Variants in A2ML1 observed in about 807,000 individuals in gnomAD.
A2ML1 encodes the protein alpha-2-macroglobulin-like protein 1.
A neutral mutation model predicts 181.9 loss-of-function variants in A2ML1; 161 were observed. The ratio of observed to expected loss-of-function variants is 0.89; its 90% CI spans 0.78 to 1.01. The LOEUF (loss-of-function observed/expected upper bound fraction) is 1.01. Among genes scored for constraint, A2ML1 ranks in the 50% least tolerant of loss-of-function variants. A2ML1 has a pLI of 0.00. For synonymous variants in A2ML1, 663 were observed against 666.8 expected, an observed-to-expected ratio of 0.99 and a Z score of 0.09; for missense variants, 1,670 against 1,768.1, an observed-to-expected ratio of 0.94 and a Z score of 1.00.
chr12:8,852,124 T>C lies in A2ML1; in HGVS notation c.2464-86T>C. 6.3e-7 allele frequency: 1 copy of C among 1,591,142 alleles called. No individual in the cohort carries two copies. The highest frequency in any genetic ancestry group is 8.6e-7 in the Non-Finnish European group (1 of 1,165,652). ...TTTTCCCTGGGAAAGAGAGGAGATGTCGGCGTCTCAGCCCCCAGGTTTCCC... is the reference window on the plus strand; with the variant it reads ...TTTTCCCTGGGAAAGAGAGGAGATGCCGGCGTCTCAGCCCCCAGGTTTCCC... On this transcript the variant is annotated intron_variant, in intron 19 of 35. Coordinates refer to ENST00000299698, the MANE Select transcript of A2ML1 (RefSeq NM_144670.6). This position sits in a 1 kb window ranked among gnomAD's most constrained non-coding sequence, Gnocchi z 4.2.
chr12:8,845,865 T>TAAAATAAAATA (rs1555111301), intron 13 of A2ML1, among the ~76,000 whole-genome samples: 10 of 131,212 alleles, frequency 7.6e-5, no homozygotes, highest in African/African-American at 3.2e-4. Context: ...AAAAAAAAAA[T>TAAAATAAAATA]AAATAAAATA....
chr12:8,845,606 G>A, intron 13 of A2ML1, 104 bp downstream of exon 13: 1 of 1,124,190 alleles, frequency 8.9e-7, no homozygotes, highest in Non-Finnish European at 1.3e-6. Flanking sequence ...CCAGCACTTT[G>A]GGAGGCCGAG....
At chr12:8,831,174 C>G (rs73036965) in intron 4 of A2ML1, among the ~76,000 whole-genome samples, 1 of 151,960 alleles carries the variant, frequency 6.6e-6, no homozygotes, top group Non-Finnish European at 1.5e-5. Context: ...TTGCGCAGGC[C>G]GGTCTTGAGC....
In A2ML1 at chr12:8,829,750, G is replaced by T; in HGVS notation, c.433G>T (p.Asp145Tyr). 2 of 1,614,046 alleles carry T rather than the reference G, an allele frequency of 1.2e-6. No individual in the cohort carries two copies. The highest frequency in any genetic ancestry group is 2.2e-5 in the South Asian group (2 of 91,080). Reference sequence around the variant, plus strand: ...AGTGTATTTCCGCATTGTCACCATGGATAGCAACTTCGTTCCAGTGAATGA... The same window carrying T: ...AGTGTATTTCCGCATTGTCACCATGTATAGCAACTTCGTTCCAGTGAATGA... Reference protein sequence around the residue: ...QQVYFRIVTMDSNFVPVNDKY... With the variant: ...QQVYFRIVTMYSNFVPVNDKY... The change falls in exon 4 of 36, where the codon GAT becomes TAT. Residue 145 changes from aspartate to tyrosine, a missense_variant. Asp to Tyr is a radical substitution (Grantham distance 160). Transcript: ENST00000299698.
Position 8,848,903 on chromosome 12 carries a change from A to G in A2ML1, c.2017A>G (p.Ser673Gly), listed in dbSNP as rs1943795289. The G allele has an allele frequency of 1.9e-6, 3 of 1,611,522 alleles. No homozygotes were observed. The highest frequency in any genetic ancestry group is 2.5e-6 in the Non-Finnish European group (3 of 1,179,242). ...GTTCTCTGAAGGCACGGACCTTTTC[A>G]GCTTTTTCCGGGTAGGTCTTCTTAC... is the stretch of plus-strand genomic sequence containing the variant. ...PSFSEGTDLF[S>G]FFRDVGLKIL... Residue 673 changes from serine (S) to glycine (G), a missense_variant, in exon 16 of 36, where the codon AGC (serine) becomes GGC (glycine). Transcript: ENST00000299698.
chr12:8,837,353 G>A, intron 7 of A2ML1, 87 bp from the exon 8 acceptor site: 20 of 1,552,244 alleles, frequency 1.3e-5, no homozygotes, highest in Non-Finnish European at 1.6e-5. Context: ...AGGCTGGAGT[G>A]TGAGAGGGAA....
intron 33 of A2ML1, among the ~76,000 whole-genome samples, chr12:8,871,071 T>A (rs1944606688): frequency 2.0e-5 from 3 of 152,190 alleles, no homozygotes; most frequent in African/African-American, 7.2e-5. Context: ...GTACATGCCA[T>A]CCCTCTCCCA....
At chr12:8,835,383 G>T in intron 5 of A2ML1, 124 bp from the exon 6 acceptor site, 1 of 1,182,176 alleles carries the variant, frequency 8.5e-7, no homozygotes, top group South Asian at 1.4e-5. Context: ...CCTGGACACA[G>T]ACCACAGGGG....
intron 4 of A2ML1, chr12:8,830,657 C>T (rs1001509320): frequency 6.6e-6 from 1 of 152,230 alleles, no homozygotes; most frequent in Non-Finnish European, 1.5e-5. Flanking sequence ...TTCTGAGACA[C>T]TTACCTCCCG....
chr12:8,837,839 C>T (rs1298542329), intron 8 of A2ML1, among the ~76,000 whole-genome samples: 1 of 149,942 alleles, frequency 6.7e-6, no homozygotes, highest in Non-Finnish European at 1.5e-5. Context: ...GAGATGGTGC[C>T]ACTGCACTCC....
intron 4 of A2ML1, among the ~76,000 whole-genome samples, chr12:8,831,545 G>A (rs1407953487): frequency 2.0e-5 from 3 of 152,126 alleles, no homozygotes; most frequent in Non-Finnish European, 4.4e-5. Context: ...ATTTTACCAA[G>A]AAAGCTAGGA....
chr12:8,843,495 T>C, intron 12 of A2ML1, 134 bp downstream of exon 12: 1 of 721,966 alleles, frequency 1.4e-6, no homozygotes, highest in Non-Finnish European at 2.1e-6. Context: ...AAAGCCACAC[T>C]AAAAAAGTAA....
chr12:8,847,796 T>TC, intron 15 of A2ML1, 98 bp downstream of exon 15: 1 of 1,448,930 alleles, frequency 6.9e-7, no homozygotes, highest in Non-Finnish European at 9.3e-7. Context: ...CTTAGGGAAA[T>TC]AATGCACTGC....
chr12:8,846,601 C>T (rs2136840186), intron 14 of A2ML1, among the ~76,000 whole-genome samples: 1 of 152,162 alleles, frequency 6.6e-6, no homozygotes, highest in South Asian at 2.1e-4. Context: ...GGGTGGATCA[C>T]CTGATGCTAG....
At position 8,863,838 on chromosome 12, in the gene A2ML1, G is replaced by T. The variant is rs766181132; in HGVS notation, c.3547G>T (p.Ala1183Ser). The T allele has an allele frequency of 1.9e-6, 3 of 1,614,160 alleles. No individual in the cohort carries two copies. The highest frequency in any genetic ancestry group is 2.5e-6 in the Non-Finnish European group (3 of 1,180,014). ...CCAGAAACCTACTCCATCATCGAAC[G>T]CCAGCCCTTGGTCTGAGCCTGCGGC... ...WSQKPTPSSN[A>S]SPWSEPAAVD... is the part of the protein sequence containing the mutation. Residue 1183 changes from alanine (A) to serine (S), a missense_variant, in exon 29 of 36, where the codon GCC becomes TCC. Physicochemically the swap from Ala to Ser is moderately conservative, Grantham distance 99 (BLOSUM62 1). Coordinates refer to ENST00000299698, the MANE Select transcript of A2ML1 (RefSeq NM_144670.6).
chr12:8,845,535 G>T (rs1565475263), intron 13 of A2ML1, 33 bp downstream of exon 13: 1 of 1,612,374 alleles, frequency 6.2e-7, no homozygotes, highest in Non-Finnish European at 8.5e-7. Flanking sequence ...GAAGCAAACA[G>T]GATATTTTTA....
At chr12:8,823,107 A>G (rs1240865831) in intron 1 of A2ML1, 75 bp from the exon 2 acceptor site, 14 of 1,419,392 alleles carry the variant, frequency 9.9e-6, no homozygotes, top group East Asian at 9.2e-5. Flanking sequence ...CTACTTGCTG[A>G]GCGCTTAGGA....
At position 8,846,201 on chromosome 12, in the gene A2ML1, C is replaced by G; in HGVS notation, c.1662C>G (p.Val554=). The G allele has an allele frequency of 1.2e-6, 2 of 1,614,034 alleles. No individual in the cohort carries two copies. Among genetic ancestry groups the G allele is most frequent in the Non-Finnish European group, 1.7e-6 (2 of 1,180,006 alleles). Residue 554 remains valine, a synonymous_variant, in exon 14 of 36, where the codon GTC becomes GTG. Coordinates refer to ENST00000299698, the MANE Select transcript of A2ML1 (RefSeq NM_144670.6). The stretch of plus-strand genomic sequence containing the variant: ...TAGCTGACAAAATTCAGTTCTCAGT[C>G]GAGATGTGCTTTGACAATCAGGTAA... ...GVVADKIQFS[V]EMCFDNQVSL...
rs1422895583 is a variant in A2ML1, at chr12:8,851,837, G to A, written c.2288G>A (p.Trp763Ter). Reference sequence around the variant, plus strand: ...ACAGTTCCTGACGCCATCACCGAGTGGAAGGCGATGAGTTTCTGCACTTCC... The same window carrying A: ...ACAGTTCCTGACGCCATCACCGAGTAGAAGGCGATGAGTTTCTGCACTTCC... Reference protein sequence around the residue: ...HVTVPDAITEWKAMSFCTSQS... With the variant: ...HVTVPDAITE Residue 763 changes from tryptophan to a stop codon, truncating the protein, a stop_gained, in exon 19 of 36, where the codon TGG becomes TAG. Transcript: ENST00000299698. LOFTEE classifies it high-confidence loss of function. 1.9e-6 allele frequency: 3 copies of A among 1,614,204 alleles called. No individual in the cohort carries two copies. Among genetic ancestry groups the A allele is most frequent in the South Asian group, 1.1e-5 (1 of 91,080 alleles).
Sources: gnomAD v4.1 joint callset for allele counts (sites outside exome capture counted in the v4.1 genomes callset) on GRCh38, gnomAD v4.1.1 for gene constraint, Gnocchi (gnomAD v3.1) non-coding constraint, MANE v1.5 for transcripts, NCBI Gene and HGNC (gene_info 2026-07-23, HGNC 2026-07-21) for gene names.